OCA2: variants seen among roughly 807,000 people sequenced by gnomAD.
OCA2 encodes OCA2 melanosomal transmembrane protein, also known as P protein.
OCA2 carries 77 observed loss-of-function variants against 100.2 expected under a neutral mutation model. The ratio of observed to expected loss-of-function variants is 0.77; its 90% CI spans 0.64 to 0.93. OCA2 has a LOEUF of 0.93. Among genes scored for constraint, OCA2 ranks in the 40% least tolerant of loss-of-function variants. The pLI is 0.00. For missense variants in OCA2, 1,062 were observed against 1,089.1 expected (o/e 0.98, Z 0.35); for synonymous variants, 432 against 439.2 (o/e 0.98, Z 0.21).
chr15:27,944,542 G>A (rs1193198191), intron 18 of OCA2, among the ~76,000 whole-genome samples: 1 of 152,180 alleles, frequency 6.6e-6, no homozygotes, highest in African/African-American at 2.4e-5. Flanking sequence ...CTATTGGAGA[G>A]CCTAAGACTG....
At chr15:27,749,578 C>G in the OCA2 span, among the ~76,000 whole-genome samples, 1 of 151,926 alleles carries the variant, frequency 6.6e-6, no homozygotes, top group South Asian at 2.1e-4. Flanking sequence ...ACATAATGAT[C>G]TATGTAAAAA....
intron 18 of OCA2, among the ~76,000 whole-genome samples, chr15:27,936,688 C>G (rs1372633723): frequency 6.6e-6 from 1 of 152,132 alleles, no homozygotes; most frequent in Non-Finnish European, 1.5e-5. Flanking sequence ...CTGCAGGACA[C>G]AGGCTTAGAA....
At position 28,046,643 on chromosome 15, in the gene OCA2, G is replaced by A. The variant is rs148300022; in HGVS notation, c.228-14480C>T. On this transcript the variant is annotated intron_variant, in intron 2 of 23. Coordinates refer to ENST00000354638, the MANE Select transcript of OCA2 (RefSeq NM_000275.3). ...CAGGGCAGAGGGCAGGGGGAAAGGA[G>A]GGAAGGGGCAACCAACCATGCACTG... Among the ~76,000 whole-genome samples the A allele has an allele frequency of 6.3e-3, 967 of 152,322 alleles. 10 individuals are homozygous for A. The highest frequency in any genetic ancestry group is 0.022 in the African/African-American group (906 of 41,574).
At chr15:28,022,303 C>G (rs1029045963) in intron 6 of OCA2, among the ~76,000 whole-genome samples, 198 bp downstream of exon 6, 3 of 152,242 alleles carry the variant, frequency 2.0e-5, no homozygotes, top group African/African-American at 4.8e-5. Flanking sequence ...CACCACCAAC[C>G]CCGCCACTGT....
At chr15:28,028,999 G>C (rs889323896) in intron 3 of OCA2, among the ~76,000 whole-genome samples, 1 of 152,054 alleles carries the variant, frequency 6.6e-6, no homozygotes, top group Non-Finnish European at 1.5e-5. Context: ...ATTTACTTTT[G>C]GTTGAATCCC....
chr15:27,802,727 A>T (rs1164166108), intron 23 of OCA2, among the ~76,000 whole-genome samples: 1 of 152,158 alleles, frequency 6.6e-6, no homozygotes, highest in Non-Finnish European at 1.5e-5. Flanking sequence ...CCACACCCAA[A>T]ATAAACTTGA....
At position 27,770,857 on chromosome 15, in the gene OCA2, T is replaced by TTCCTTCCTCCCTCTTTTC. The variant is rs1566949067; in HGVS notation, c.2433-15386_2433-15385insGAAAAGAGGGAGGAAGGA. Among the ~76,000 whole-genome samples the TTCCTTCCTCCCTCTTTTC allele has an allele frequency of 2.6e-3, 203 of 77,988 alleles. 1 individual carries two copies. The highest frequency in any genetic ancestry group is 0.012 in the African/African-American group (187 of 15,130). The allele number at this position is 77,988 out of a possible 152,430, so 51.2% of individuals were successfully genotyped here. On this transcript the variant is annotated intron_variant, in intron 23 of 23. Coordinates refer to ENST00000354638, the MANE Select transcript of OCA2 (RefSeq NM_000275.3). Reference sequence around the variant, plus strand: ...TCCTCCCTCTTTTCCTTCCTTCCTTTCTTCCTTCCTTCCCTCCTTCCTTTG... The same window carrying TTCCTTCCTCCCTCTTTTC: ...TCCTCCCTCTTTTCCTTCCTTCCTTTTCCTTCCTCCCTCTTTTCCTTCCTTCCTTCCCTCCTTCCTTTG...
intron 23 of OCA2, among the ~76,000 whole-genome samples, chr15:27,782,816 A>G (rs1221760465): frequency 6.6e-6 from 1 of 152,262 alleles, no homozygotes; most frequent in Non-Finnish European, 1.5e-5. Flanking sequence ...TTGAAAGCCT[A>G]CTATCCCCAT....
intron 19 of OCA2, among the ~76,000 whole-genome samples, chr15:27,908,211 G>A (rs1008158388): frequency 1.3e-5 from 2 of 151,996 alleles, no homozygotes; most frequent in African/African-American, 2.4e-5. Context: ...CAGAATTCAA[G>A]GTTGGTTCAA....
In OCA2 at chr15:28,081,731, CGAGGGG is replaced by C; in HGVS notation, c.138_143del (p.Asp46_Ser48delinsGlu). 1 of 1,613,566 alleles carries C rather than the reference CGAGGGG, an allele frequency of 6.2e-7. No individual in the cohort carries two copies. Among genetic ancestry groups the C allele is most frequent in the Non-Finnish European group, 8.5e-7 (1 of 1,179,888 alleles). On this transcript the variant is annotated inframe_deletion, in exon 2 of 24. Transcript: ENST00000354638. ...CGGCAGCCCCCCTGGGGCAGGAGTG[CGAGGGG>C]TCAGCTCCACCGGCTCCCCGAGGAA...
chr15:28,073,328 C>T (rs776318649), intron 2 of OCA2, among the ~76,000 whole-genome samples: 6 of 152,152 alleles, frequency 3.9e-5, no homozygotes, highest in African/African-American at 1.4e-4. Flanking sequence ...GCGAGGTAAT[C>T]GCTTGAACCC....
chr15:27,973,589 T>C (rs1408099542), intron 14 of OCA2, among the ~76,000 whole-genome samples: 2 of 152,234 alleles, frequency 1.3e-5, no homozygotes, highest in Non-Finnish European at 2.9e-5. Flanking sequence ...TATAGCCTTT[T>C]AGTATAATTT....
At chr15:27,803,610 G>C (rs1043463413) in intron 23 of OCA2, among the ~76,000 whole-genome samples, 6 of 152,278 alleles carry the variant, frequency 3.9e-5, no homozygotes, top group African/African-American at 1.4e-4. Flanking sequence ...GTGTTTAAGG[G>C]GTACAGGCTT....
intron 2 of OCA2, among the ~76,000 whole-genome samples, chr15:28,062,788 C>G (rs2043914482): frequency 6.6e-6 from 1 of 152,070 alleles, no homozygotes; most frequent in African/African-American, 2.4e-5. Context: ...GCCAGTTATC[C>G]CAGCACAATT....
intron 16 of OCA2, among the ~76,000 whole-genome samples, chr15:27,955,473 G>T (rs1025333921): frequency 6.6e-6 from 1 of 152,176 alleles, no homozygotes; most frequent in East Asian, 1.9e-4. Context: ...GACAGCTTGC[G>T]CAGGGGAAGC....
chr15:28,084,245 CTG>C (rs1343236442), intron 1 of OCA2, among the ~76,000 whole-genome samples: 2 of 152,330 alleles, frequency 1.3e-5, no homozygotes, highest in East Asian at 1.9e-4. Context: ...GCCTCCCAAA[CTG>C]TGAGAAATTA....
At chr15:28,062,673 G>GT (rs1342633344) in intron 2 of OCA2, among the ~76,000 whole-genome samples, 1 of 152,124 alleles carries the variant, frequency 6.6e-6, no homozygotes. Context: ...TCTTCTAGGA[G>GT]TTTTATAGTT....
chr15:28,072,139 G>A (rs190292872), intron 2 of OCA2, among the ~76,000 whole-genome samples: 10 of 152,246 alleles, frequency 6.6e-5, no homozygotes, highest in Admixed American at 4.6e-4. Context: ...AGGCCGAAGC[G>A]GGTGGATCAC....
chr15:27,943,685 A>AAAAC (rs1189944081), intron 18 of OCA2, among the ~76,000 whole-genome samples: 1 of 151,384 alleles, frequency 6.6e-6, no homozygotes, highest in East Asian at 1.9e-4. Flanking sequence ...AAAAAAAAAA[A>AAAAC]AAAAAACCTT....
Sources: allele counts gnomAD v4.1 joint callset (sites outside exome capture counted in the v4.1 genomes callset), GRCh38; gene constraint gnomAD v4.1.1; transcripts MANE v1.5; gene names NCBI Gene and HGNC (gene_info 2026-07-23, HGNC 2026-07-21).